LIN28A: variants seen among roughly 807,000 people sequenced by gnomAD.
LIN28A encodes the protein lin-28 RNA binding posttranscriptional regulator A.
A neutral mutation model predicts 21.1 loss-of-function variants in LIN28A; 11 were observed. That is an observed-to-expected ratio of 0.52 (90% CI 0.33 to 0.86). LIN28A has a LOEUF of 0.86. Ranked by LOEUF, LIN28A falls within the 40% of genes least tolerant of loss-of-function variation. The probability of loss-of-function intolerance (pLI) is 0.03; values close to 1 mark genes in which losing one functional copy is unlikely to be tolerated. For missense variants in LIN28A, 219 were observed against 279.8 expected (o/e 0.78, Z 1.55); for synonymous variants, 111 against 108.7 (o/e 1.02, Z -0.13).
At chr1:26,426,087 TAGTAA>T (rs1270842371) in intron 3 of LIN28A, among the ~76,000 whole-genome samples, 150 bp from the exon 4 acceptor site, 1 of 152,198 alleles carries the variant, frequency 6.6e-6, no homozygotes, top group Non-Finnish European at 1.5e-5. Flanking sequence ...AGAGATCATT[TAGTAA>T]TAGTCCTCCT....
chr1:26,411,066 G>C lies in LIN28A; in HGVS notation c.31+144G>C. On this transcript the variant is annotated intron_variant, in intron 1 of 3. Coordinates refer to ENST00000326279, the MANE Select transcript of LIN28A (RefSeq NM_024674.6). This position sits in a 1 kb window ranked among gnomAD's most constrained non-coding sequence, Gnocchi z 5.4. ...TTCTGCTTCATAGGGCCGTCTCTGG[G>C]GCCAGGAACCTTGGTGTCCCAGTGG... The C allele has an allele frequency of 8.9e-7, 1 of 1,119,232 alleles. No individual in the cohort carries two copies. The allele number at this position is 1,119,232 out of a possible 1,614,324, so 69.3% of individuals were successfully genotyped here. A position where few individuals can be genotyped will look rare whatever the true frequency, so the allele number is the denominator to read the frequency against.
At chr1:26,413,729 G>T (rs1357725105) in intron 2 of LIN28A, among the ~76,000 whole-genome samples, 1 of 151,696 alleles carries the variant, frequency 6.6e-6, no homozygotes, top group Non-Finnish European at 1.5e-5. Context: ...GAAAGGCTTG[G>T]GTCAGGGGTC....
At chr1:26,419,533 C>G (rs2075016650) in intron 2 of LIN28A, among the ~76,000 whole-genome samples, 1 of 152,130 alleles carries the variant, frequency 6.6e-6, no homozygotes, top group Admixed American at 6.5e-5. Context: ...GTTTCTATAG[C>G]TAGTTAGGAT....
chr1:26,424,358 C>T lies in LIN28A; in HGVS notation c.229-945C>T, dbSNP rs566276119. Among the ~76,000 whole-genome samples the T allele has an allele frequency of 3.3e-5, 5 of 152,170 alleles. No individual in the cohort carries two copies. In the South Asian group the frequency reaches 1.0e-3, roughly 32 times the overall value. ...CGGGGTTCAAGCAACTCTCCTGCCC[C>T]AACTGCCCAAGTAGCTGGGATTACA... On this transcript the variant is annotated intron_variant, in intron 2 of 3. Coordinates refer to ENST00000326279, the MANE Select transcript of LIN28A (RefSeq NM_024674.6).
chr1:26,428,254 T>C lies in LIN28A; in HGVS notation c.*1796T>C, dbSNP rs1237353555. On this transcript the variant is annotated 3_prime_UTR_variant, in exon 4 of 4. Transcript: ENST00000326279. ...AGGCAAAAAGATCTGAAACATTAGT[T>C]TGGGGGGCCCTCTTCTTAAAGTGGG... The C allele has an allele frequency of 6.6e-6, 1 of 152,648 alleles. No individual in the cohort carries two copies. The highest frequency in any genetic ancestry group is 1.9e-4 in the East Asian group (1 of 5,206). 9.5% of individuals were successfully genotyped at this position (152,648 alleles called of 1,614,324 possible).
At position 26,426,287 on chromosome 1, in the gene LIN28A, G is replaced by A. The variant is rs1471632340; in HGVS notation, c.459G>A (p.Lys153=). ...TAGATCATCATGCCAAGGAATGCAA[G>A]CTGCCACCCCAGCCCAAGAAGTGCC... ...GGLDHHAKEC[K]LPPQPKKCHF... Residue 153 remains lysine (K), a synonymous_variant, in exon 4 of 4, where the codon AAG becomes AAA. Coordinates refer to ENST00000326279, the MANE Select transcript of LIN28A (RefSeq NM_024674.6). 3 of 1,614,182 alleles carry A rather than the reference G, an allele frequency of 1.9e-6. No individual in the cohort carries two copies. The highest frequency in any genetic ancestry group is 2.5e-6 in the Non-Finnish European group (3 of 1,180,034).
intron 2 of LIN28A, among the ~76,000 whole-genome samples, chr1:26,417,187 T>G (rs11581294): frequency 0.16 from 24,080 of 152,164 alleles, 2,066 homozygotes; most frequent in Middle Eastern, 0.23. Context: ...CGGGCTTACC[T>G]TTGGGCAGAC....
chr1:26,425,154 A>T, intron 2 of LIN28A, 149 bp from the exon 3 acceptor site: 1 of 714,532 alleles, frequency 1.4e-6, no homozygotes, highest in Non-Finnish European at 2.3e-6. Context: ...TGTTGTTCTT[A>T]ATCGTAGTGA....
In LIN28A at chr1:26,411,465, G is replaced by A; in HGVS notation, c.111G>A (p.Leu37=). 6.2e-7 allele frequency: 1 copy of A among 1,613,708 alleles called. No homozygotes were observed. The highest frequency in any genetic ancestry group is 8.5e-7 in the Non-Finnish European group (1 of 1,179,850). ...CCCGGGCGGCGGACGAGCCTCAGCT[G>A]CTGCACGGTGCGGGCATCTGTAAGT... ...DAARAADEPQ[L]LHGAGICKWF... Residue 37 remains leucine (L), a synonymous_variant, in exon 2 of 4, where the codon CTG becomes CTA. Transcript: ENST00000326279. The surrounding 1 kb of genome is among the most constrained non-coding windows in gnomAD (Gnocchi z 5.4).
chr1:26,415,757 ATCACCACTCG>A (rs2074989460), intron 2 of LIN28A, among the ~76,000 whole-genome samples: 1 of 152,150 alleles, frequency 6.6e-6, no homozygotes, highest in South Asian at 2.1e-4. Flanking sequence ...ATATGGGTAG[ATCACCACTCG>A]GAGCCCAGAG....
At chr1:26,412,197 AC>A (rs2074964396) in intron 2 of LIN28A, among the ~76,000 whole-genome samples, 1 of 152,196 alleles carries the variant, frequency 6.6e-6, no homozygotes. Flanking sequence ...AGGAAGGAAA[AC>A]CCAAAGAGCC....
intron 2 of LIN28A, among the ~76,000 whole-genome samples, chr1:26,421,488 T>C (rs2075028529): frequency 6.6e-6 from 1 of 152,228 alleles, no homozygotes; most frequent in Admixed American, 6.5e-5. Flanking sequence ...AATTCTTTTT[T>C]CTTAGTGATT....
intron 2 of LIN28A, among the ~76,000 whole-genome samples, chr1:26,413,661 T>C (rs2074974905): frequency 6.6e-6 from 1 of 152,102 alleles, no homozygotes; most frequent in South Asian, 2.1e-4. Flanking sequence ...CAAAGCACAA[T>C]GATGGGTGGA....
intron 3 of LIN28A, 123 bp from the exon 4 acceptor site, chr1:26,426,119 T>G: frequency 1.4e-6 from 1 of 701,616 alleles, no homozygotes. Flanking sequence ...AGTGGGAAGT[T>G]TGGTCTCTGG....
chr1:26,420,925 G>T (rs1338128776), intron 2 of LIN28A, among the ~76,000 whole-genome samples: 1 of 152,160 alleles, frequency 6.6e-6, no homozygotes, highest in Non-Finnish European at 1.5e-5. Flanking sequence ...TGGTGGTGCA[G>T]TAAGTGGCAT....
intron 2 of LIN28A, among the ~76,000 whole-genome samples, chr1:26,423,175 G>A (rs2075037187): frequency 6.6e-6 from 1 of 151,240 alleles, no homozygotes; most frequent in African/African-American, 2.4e-5. Flanking sequence ...TCGAGTAGCT[G>A]AGATTACAGG....
At chr1:26,413,936 T>C (rs1192509522) in intron 2 of LIN28A, among the ~76,000 whole-genome samples, 1 of 149,738 alleles carries the variant, frequency 6.7e-6, no homozygotes, top group East Asian at 2.1e-4. Context: ...CAAGCGATTC[T>C]CCTGCCTCAG....
At chr1:26,420,466 T>A (rs1007119497) in intron 2 of LIN28A, among the ~76,000 whole-genome samples, 6 of 151,902 alleles carry the variant, frequency 3.9e-5, no homozygotes, top group African/African-American at 1.5e-4. Flanking sequence ...ATACAAAAAT[T>A]AGCTGGGTGT....
chr1:26,416,017 G>A (rs1039452671), intron 2 of LIN28A, among the ~76,000 whole-genome samples: 1 of 152,024 alleles, frequency 6.6e-6, no homozygotes, highest in Non-Finnish European at 1.5e-5. Context: ...TTTTGAGATA[G>A]AGTCTTGCTC....
Sources: gnomAD v4.1 joint callset for allele counts (sites outside exome capture counted in the v4.1 genomes callset) on GRCh38, gnomAD v4.1.1 for gene constraint, Gnocchi (gnomAD v3.1) non-coding constraint, MANE v1.5 for transcripts, NCBI Gene and HGNC (gene_info 2026-07-23, HGNC 2026-07-21) for gene names.